LHFPL3: variants seen among roughly 807,000 people sequenced by gnomAD.
LHFPL3 encodes LHFPL tetraspan subfamily member 3, also known as LHFPL tetraspan subfamily member 3 protein.
LHFPL3 carries 5 observed loss-of-function variants against 19.3 expected under a neutral mutation model. The ratio of observed to expected loss-of-function variants is 0.26; its 90% CI spans 0.14 to 0.54. The LOEUF (loss-of-function observed/expected upper bound fraction) is 0.54, where lower values mean the gene tolerates loss of function less well. Among genes scored for constraint, LHFPL3 ranks in the 20% least tolerant of loss-of-function variants. The probability of loss-of-function intolerance (pLI) is 0.94; values close to 1 mark genes in which losing one functional copy is unlikely to be tolerated. For synonymous variants in LHFPL3, 133 were observed against 126.2 expected (o/e 1.05, Z -0.36); for missense variants, 249 against 307.4 (o/e 0.81, Z 1.42).
chr7:104,824,692 A>G (rs1790780368), intron 2 of LHFPL3, among the ~76,000 whole-genome samples: 1 of 95,896 alleles, frequency 1.0e-5, no homozygotes, highest in Non-Finnish European at 1.8e-5. Flanking sequence ...TATAATATAT[A>G]TTATATATAT....
intron 2 of LHFPL3, among the ~76,000 whole-genome samples, chr7:104,869,223 G>A (rs1169503129): frequency 1.3e-5 from 2 of 152,112 alleles, no homozygotes; most frequent in Non-Finnish European, 2.9e-5. Context: ...GGCAACAAAA[G>A]CCAAAATTGA....
At chr7:104,588,926 G>C (rs1363272476) in intron 1 of LHFPL3, among the ~76,000 whole-genome samples, 1 of 151,714 alleles carries the variant, frequency 6.6e-6, no homozygotes, top group African/African-American at 2.4e-5. Flanking sequence ...TCTGTTATTG[G>C]TGTGTAGGAA....
chr7:104,588,226 C>A (rs1033052605), intron 1 of LHFPL3, among the ~76,000 whole-genome samples: 3 of 152,146 alleles, frequency 2.0e-5, no homozygotes, highest in African/African-American at 7.2e-5. Context: ...CCTAGGTTTT[C>A]TTCTAAGGTT....
intron 2 of LHFPL3, among the ~76,000 whole-genome samples, chr7:104,859,184 T>G (rs1002654739): frequency 6.6e-6 from 1 of 151,766 alleles, no homozygotes; most frequent in East Asian, 1.9e-4. Context: ...GGAGAATCAC[T>G]TGAACCCAGG....
intron 1 of LHFPL3, among the ~76,000 whole-genome samples, chr7:104,422,721 G>T (rs1176889748): frequency 6.6e-6 from 1 of 152,252 alleles, no homozygotes; most frequent in Non-Finnish European, 1.5e-5. Context: ...TTTATAAATG[G>T]TTAAGATAAA....
intron 1 of LHFPL3, among the ~76,000 whole-genome samples, chr7:104,495,609 T>C (rs1037437807): frequency 2.6e-5 from 4 of 152,194 alleles, no homozygotes; most frequent in Admixed American, 1.3e-4. Context: ...GGTCTCCATC[T>C]CCTGACCTCA....
intron 1 of LHFPL3, among the ~76,000 whole-genome samples, chr7:104,716,539 T>C (rs1793389921): frequency 2.6e-5 from 4 of 152,062 alleles, no homozygotes; most frequent in African/African-American, 4.8e-5. Flanking sequence ...CAATGAACTA[T>C]CTGAAAAGGA....
At chr7:104,350,740 T>A (rs777508768) in intron 1 of LHFPL3, among the ~76,000 whole-genome samples, 2 of 152,156 alleles carry the variant, frequency 1.3e-5, no homozygotes, top group Non-Finnish European at 2.9e-5. Context: ...TAGTGAGTGC[T>A]GATGAAAAGG....
At chr7:104,693,793 G>GTTTT (rs112118633) in intron 1 of LHFPL3, among the ~76,000 whole-genome samples, 2,562 of 146,510 alleles carry the variant, frequency 0.017, 84 homozygotes, top group African/African-American at 0.056. Flanking sequence ...CTAATTGTGG[G>GTTTT]GTTTTTTTTT....
At chr7:104,804,406 G>A (rs1174339528) in intron 2 of LHFPL3, among the ~76,000 whole-genome samples, 1 of 152,184 alleles carries the variant, frequency 6.6e-6, no homozygotes, top group Non-Finnish European at 1.5e-5. Flanking sequence ...TTTCTTCCAC[G>A]TGATGGGCAA....
intron 2 of LHFPL3, chr7:104,895,895 G>C (rs1792348923): frequency 6.6e-6 from 1 of 152,284 alleles, no homozygotes; most frequent in African/African-American, 2.4e-5. Context: ...CTGGTAGCTT[G>C]AACACAGAAA....
chr7:104,608,878 A>T (rs897773192), intron 1 of LHFPL3, among the ~76,000 whole-genome samples: 1 of 152,142 alleles, frequency 6.6e-6, no homozygotes, highest in Non-Finnish European at 1.5e-5. Flanking sequence ...TACAAGGGGG[A>T]TAGGAATGAT....
At position 104,770,550 on chromosome 7, in the gene LHFPL3, G is replaced by A. The variant is rs76037238; in HGVS notation, c.682+33639G>A. Among the ~76,000 whole-genome samples, 190 of 152,246 alleles carry A rather than the reference G, an allele frequency of 1.2e-3. 2 individuals are homozygous for A. In the East Asian group the frequency reaches 0.028, roughly 22 times the overall value. ...CTTAAATACTCGCTTATTAAGCTTC[G>A]TACCATTCTCAGAAGACTGGAAGAG... On this transcript the variant is annotated intron_variant, in intron 2 of 2. Coordinates refer to ENST00000424859, the MANE Select transcript of LHFPL3 (RefSeq NM_199000.3).
intron 1 of LHFPL3, among the ~76,000 whole-genome samples, chr7:104,420,402 C>G (rs758762322): frequency 3.4e-4 from 51 of 151,946 alleles, no homozygotes; most frequent in Non-Finnish European, 6.8e-4. Context: ...CCGGTGGTAA[C>G]AAAGAGGATT....
At chr7:104,883,851 G>A (rs1487223310) in intron 2 of LHFPL3, among the ~76,000 whole-genome samples, 1 of 152,136 alleles carries the variant, frequency 6.6e-6, no homozygotes, top group Non-Finnish European at 1.5e-5. Context: ...CAGCCACCAG[G>A]GGGCACCAAA....
chr7:104,482,549 CTGTCTGTGATT>C (rs1479062201), intron 1 of LHFPL3, among the ~76,000 whole-genome samples: 30 of 152,196 alleles, frequency 2.0e-4, no homozygotes, highest in Admixed American at 3.9e-4. Context: ...TGTGTTTATA[CTGTCTGTGATT>C]TGTCCCTACA....
intron 1 of LHFPL3, chr7:104,669,412 G>A: frequency 6.2e-7 from 1 of 1,613,620 alleles, no homozygotes; most frequent in Non-Finnish European, 8.5e-7. Flanking sequence ...CCACTGGAAG[G>A]AGTCAGATAG....
At chr7:104,393,884 A>T (rs1380733488) in intron 1 of LHFPL3, among the ~76,000 whole-genome samples, 3 of 152,138 alleles carry the variant, frequency 2.0e-5, no homozygotes, top group Non-Finnish European at 4.4e-5. Context: ...TGTGTATGAA[A>T]TTTGTACAAA....
At chr7:104,635,237 A>G (rs1023061572) in intron 1 of LHFPL3, among the ~76,000 whole-genome samples, 4 of 152,116 alleles carry the variant, frequency 2.6e-5, no homozygotes, top group African/African-American at 9.6e-5. Context: ...GGAATTATAG[A>G]AAAAAAGAAC....
Sources: allele counts gnomAD v4.1 joint callset (sites outside exome capture counted in the v4.1 genomes callset), GRCh38; gene constraint gnomAD v4.1.1; transcripts MANE v1.5; gene names NCBI Gene and HGNC (gene_info 2026-07-23, HGNC 2026-07-21).